PEX11G: variants seen among roughly 807,000 people sequenced by gnomAD.
PEX11G encodes peroxisomal biogenesis factor 11 gamma.
PEX11G carries 20 observed loss-of-function variants against 22.5 expected under a neutral mutation model. The observed-to-expected ratio is 0.89, with a 90% confidence interval of 0.62 to 1.29. The LOEUF (loss-of-function observed/expected upper bound fraction) is 1.29, where lower values mean the gene tolerates loss of function less well. PEX11G is among the 50% of genes most tolerant of loss of function. The pLI, the probability that PEX11G is intolerant of heterozygous loss-of-function variation, is 0.00. For missense variants in PEX11G, 347 were observed against 331.3 expected, an observed-to-expected ratio of 1.05 and a Z score of -0.37; for synonymous variants, 141 against 154.5, an observed-to-expected ratio of 0.91 and a Z score of 0.65.
At position 7,477,322 on chromosome 19, in the gene PEX11G, G is replaced by A. The variant is rs1170473974; in HGVS notation, c.606C>T (p.Gly202=). The change falls in exon 5 of 5, where the codon GGC becomes GGT. Residue 202 remains glycine (G), a synonymous_variant. Coordinates refer to ENST00000221480, the MANE Select transcript of PEX11G (RefSeq NM_080662.4). ...GCGGGAAGCGGCCGGCCCACAGCAC[G>A]CCCCGGGGCAGCCAGTGCACGGCGT... ...LANAVHWLPR[G]VLWAGRFPPW... is the part of the protein sequence containing the mutation. 7.7e-6 allele frequency: 12 copies of A among 1,558,460 alleles called. No individual in the cohort carries two copies. Among genetic ancestry groups the A allele is most frequent in the Middle Eastern group, 1.7e-4 (1 of 5,886 alleles).
At chr19:7,493,882 C>T (rs1307188064), upstream of PEX11G, among the ~76,000 whole-genome samples, 2 of 149,580 alleles carry the variant, frequency 1.3e-5, no homozygotes, top group African/African-American at 4.9e-5. Context: ...TTTGTGCACT[C>T]CCCTCTCCCC....
chr19:7,485,750 T>G, intron 2 of PEX11G, 88 bp downstream of exon 2: 1 of 1,213,632 alleles, frequency 8.2e-7, no homozygotes, highest in East Asian at 2.5e-5. Flanking sequence ...ATTACAAGCA[T>G]GAGCCACTGT....
chr19:7,479,683 C>CG (rs1225163080), intron 3 of PEX11G, among the ~76,000 whole-genome samples: 1 of 152,198 alleles, frequency 6.6e-6, no homozygotes, highest in African/African-American at 2.4e-5. Context: ...ACAAGAATGC[C>CG]GCAGCAGGCG....
chr19:7,481,616 T>A (rs115523168), intron 3 of PEX11G, among the ~76,000 whole-genome samples: 2,271 of 152,102 alleles, frequency 0.015, 26 homozygotes, highest in Middle Eastern at 0.027. Flanking sequence ...GAAGGAGGTG[T>A]GACGCTGAAA....
At chr19:7,487,896 G>T (rs967933561) in intron 1 of PEX11G, among the ~76,000 whole-genome samples, 5 of 152,144 alleles carry the variant, frequency 3.3e-5, no homozygotes, top group Admixed American at 3.3e-4. Flanking sequence ...TATTTGAATG[G>T]AATCTAAATG....
chr19:7,482,184 A>C lies in PEX11G; in HGVS notation c.277T>G (p.Ser93Ala), dbSNP rs866208581. The change falls in exon 3 of 5, where the codon TCC becomes GCC. Residue 93 changes from serine (S) to alanine (A), a missense_variant. Transcript: ENST00000221480. ...QEEDAFVRCV[S>A]VLGNLADQLY... ...TGGTCAGCCAGGTTCCCTAGGACGG[A>C]GACACAGCGGACAAAGGCGTCCTCC... 3 of 1,580,604 alleles carry C rather than the reference A, an allele frequency of 1.9e-6. No homozygotes were observed. The African/African-American group carries it at 4.1e-5, about 21-fold the overall frequency.
At chr19:7,493,837 C>A (rs1464648687), upstream of PEX11G, among the ~76,000 whole-genome samples, 1 of 126,686 alleles carries the variant, frequency 7.9e-6, no homozygotes. Context: ...GAAACCCCGT[C>A]TCAAAAAAAA....
chr19:7,480,868 G>A (rs1977458020), intron 3 of PEX11G, among the ~76,000 whole-genome samples: 1 of 152,124 alleles, frequency 6.6e-6, no homozygotes, highest in South Asian at 2.1e-4. Flanking sequence ...CAGGGGCAGG[G>A]GATTCTGACT....
intron 1 of PEX11G, among the ~76,000 whole-genome samples, chr19:7,488,537 C>T (rs959273934): frequency 2.2e-5 from 3 of 133,506 alleles, no homozygotes; most frequent in African/African-American, 3.3e-5. Context: ...CGGTGGCTCA[C>T]GCCTGTAATC....
At position 7,478,371 on chromosome 19, in the gene PEX11G, A is replaced by G. The variant is rs1357145317; in HGVS notation, c.434T>C (p.Leu145Pro). The change falls in exon 4 of 5, where the codon CTG becomes CCG. Residue 145 changes from leucine to proline, a missense_variant. Coordinates refer to ENST00000221480, the MANE Select transcript of PEX11G (RefSeq NM_080662.4). ...CTGTCTCAGTTTCAGCAGCATCCAC[A>G]GGGACCTGCAGCACCAGAGCCCGAG... ...LSLLLGVARS[L>P]WMLLKLRQRL... is the part of the protein sequence containing the mutation. 1 of 1,609,830 alleles carries G rather than the reference A, an allele frequency of 6.2e-7. No individual in the cohort carries two copies. Among genetic ancestry groups the G allele is most frequent in the Non-Finnish European group, 8.5e-7 (1 of 1,178,844 alleles).
intron 3 of PEX11G, among the ~76,000 whole-genome samples, chr19:7,481,205 T>G (rs575367469): frequency 6.7e-6 from 1 of 148,406 alleles, no homozygotes; most frequent in Non-Finnish European, 1.5e-5. Context: ...AAGCTAAGGA[T>G]TTTTTCTTTT....
At chr19:7,492,409 T>C (rs929829801), upstream of PEX11G, among the ~76,000 whole-genome samples, 42 of 152,182 alleles carry the variant, frequency 2.8e-4, no homozygotes, top group Non-Finnish European at 5.6e-4. Context: ...CTTTTCCTGA[T>C]GACTAATGAT....
chr19:7,486,706 T>C (rs1217310244), intron 1 of PEX11G, among the ~76,000 whole-genome samples: 1 of 151,794 alleles, frequency 6.6e-6, no homozygotes, highest in Non-Finnish European at 1.5e-5. Context: ...TTCATGCGAT[T>C]CTCCTGCCTC....
chr19:7,490,522 G>C (rs1169683885), upstream of PEX11G, among the ~76,000 whole-genome samples: 1 of 122,260 alleles, frequency 8.2e-6, no homozygotes, highest in African/African-American at 3.0e-5. Context: ...TGTATTTTTA[G>C]TAGAGACGGG....
At chr19:7,493,433 G>A (rs1305561102), upstream of PEX11G, among the ~76,000 whole-genome samples, 1 of 151,732 alleles carries the variant, frequency 6.6e-6, no homozygotes, top group African/African-American at 2.4e-5. Context: ...GGGCTCAAGT[G>A]ATCCACCCAC....
chr19:7,477,847 T>G (rs1325887309), intron 4 of PEX11G, among the ~76,000 whole-genome samples: 1 of 151,948 alleles, frequency 6.6e-6, no homozygotes, highest in African/African-American at 2.4e-5. Context: ...CGAGACCCCA[T>G]CTCCACCAAA....
upstream of PEX11G, among the ~76,000 whole-genome samples, chr19:7,490,468 C>G (rs1178655343): frequency 2.0e-5 from 3 of 149,538 alleles, no homozygotes; most frequent in African/African-American, 7.4e-5. Context: ...CTACTACAGG[C>G]GCCCGCCACC....
rs1013783041 is a variant in PEX11G, at chr19:7,477,976, G to T, written c.491+338C>A. Among the ~76,000 whole-genome samples the T allele has an allele frequency of 5.3e-4, 81 of 152,320 alleles. 1 individual carries two copies. Among genetic ancestry groups the T allele is most frequent in the African/African-American group, 1.8e-3 (75 of 41,564 alleles). Reference sequence around the variant, plus strand: ...GGCAGAGGCTGCAGTGAGCCAAGATGGCACCACTGTGCTCCAGCCTGGGCA... The same window carrying T: ...GGCAGAGGCTGCAGTGAGCCAAGATTGCACCACTGTGCTCCAGCCTGGGCA... On this transcript the variant is annotated intron_variant, in intron 4 of 4. Transcript: ENST00000221480.
In PEX11G at chr19:7,476,957, T is replaced by G. The variant is rs914619214; in HGVS notation, c.*245A>C. 4 of 412,632 alleles carry G rather than the reference T, an allele frequency of 9.7e-6. No individual in the cohort carries two copies. Among genetic ancestry groups the G allele is most frequent in the Non-Finnish European group, 1.7e-5 (4 of 234,228 alleles). 25.6% of individuals were successfully genotyped at this position (412,632 alleles called of 1,614,324 possible). A position where few individuals can be genotyped will look rare whatever the true frequency, so the allele number is the denominator to read the frequency against. On this transcript the variant is annotated 3_prime_UTR_variant, in exon 5 of 5. Coordinates refer to ENST00000221480, the MANE Select transcript of PEX11G (RefSeq NM_080662.4). ...CCCCTCTTCCTCATCTTGATTTGGA[T>G]ACAAGACGCCAGCTGGCAGGCAGGA...
Sources: gnomAD v4.1 joint callset for allele counts (sites outside exome capture counted in the v4.1 genomes callset) on GRCh38, gnomAD v4.1.1 for gene constraint, MANE v1.5 for transcripts, NCBI Gene and HGNC (gene_info 2026-07-23, HGNC 2026-07-21) for gene names.